The following LRRC4C variants were observed in gnomAD, a reference collection of about 807,000 sequenced individuals.
The protein encoded by LRRC4C is leucine rich repeat containing 4C.
LRRC4C carries 5 observed loss-of-function variants against 33.6 expected under a neutral mutation model. The ratio of observed to expected loss-of-function variants is 0.15; its 90% CI spans 0.08 to 0.31. The LOEUF is 0.31. Ranked by LOEUF, LRRC4C falls within the 10% of genes least tolerant of loss-of-function variation. The pLI, the probability that LRRC4C is intolerant of heterozygous loss-of-function variation, is 1.00. For missense variants in LRRC4C, 560 were observed against 796.7 expected, an observed-to-expected ratio of 0.70 and a Z score of 3.58; for synonymous variants, 329 against 302.0, an observed-to-expected ratio of 1.09 and a Z score of -0.93.
chr11:40,425,823 G>A (rs933351436), intron 3 of LRRC4C, among the ~76,000 whole-genome samples: 1 of 152,118 alleles, frequency 6.6e-6, no homozygotes, highest in Non-Finnish European at 1.5e-5. Flanking sequence ...ATATTTAGCT[G>A]TCTTAGGCCA....
intron 5 of LRRC4C, among the ~76,000 whole-genome samples, chr11:40,175,598 G>A (rs556098912): frequency 6.6e-6 from 1 of 152,262 alleles, no homozygotes; most frequent in South Asian, 2.1e-4. Context: ...TCATGATCTG[G>A]ACACAAAGAT....
intron 2 of LRRC4C, among the ~76,000 whole-genome samples, chr11:40,786,394 T>G (rs968112921): frequency 6.6e-6 from 1 of 152,114 alleles, no homozygotes; most frequent in Non-Finnish European, 1.5e-5. Flanking sequence ...AAGAAGAAAA[T>G]ACAATAAGTA....
At chr11:41,213,517 G>C (rs924626104) in intron 1 of LRRC4C, among the ~76,000 whole-genome samples, 1 of 152,138 alleles carries the variant, frequency 6.6e-6, no homozygotes, top group South Asian at 2.1e-4. Context: ...AGGTTTACTC[G>C]TTGAATCTTC....
chr11:40,137,603 G>T (rs921754172), intron 6 of LRRC4C, among the ~76,000 whole-genome samples: 1 of 152,018 alleles, frequency 6.6e-6, no homozygotes, highest in Non-Finnish European at 1.5e-5. Flanking sequence ...AATATCTATT[G>T]GGTTTTTGCC....
intron 1 of LRRC4C, among the ~76,000 whole-genome samples, chr11:41,400,918 A>G (rs1314759327): frequency 6.6e-6 from 1 of 151,768 alleles, no homozygotes; most frequent in Non-Finnish European, 1.5e-5. Context: ...GCTGCTGAAC[A>G]TATCTTGAAC....
At chr11:40,584,025 C>T (rs1295542732) in intron 3 of LRRC4C, among the ~76,000 whole-genome samples, 1 of 151,126 alleles carries the variant, frequency 6.6e-6, no homozygotes, top group South Asian at 2.1e-4. Flanking sequence ...GCAAAGAGAT[C>T]AGGGACGGAA....
chr11:40,186,753 G>T (rs1355550891), intron 5 of LRRC4C, among the ~76,000 whole-genome samples: 1 of 152,202 alleles, frequency 6.6e-6, no homozygotes, highest in African/African-American at 2.4e-5. Flanking sequence ...GCCAGGGGAA[G>T]GTAGGCTTCC....
chr11:40,484,728 C>T (rs1953766704), intron 3 of LRRC4C, among the ~76,000 whole-genome samples: 1 of 151,882 alleles, frequency 6.6e-6, no homozygotes, highest in Admixed American at 6.6e-5. Flanking sequence ...TCTAATGTAT[C>T]AATGGAAAAA....
intron 2 of LRRC4C, among the ~76,000 whole-genome samples, chr11:40,772,311 A>T (rs1949792249): frequency 6.6e-6 from 1 of 152,164 alleles, no homozygotes; most frequent in Non-Finnish European, 1.5e-5. Flanking sequence ...TCATGAGAAG[A>T]GCATGGGAGA....
intron 3 of LRRC4C, among the ~76,000 whole-genome samples, chr11:40,508,184 A>G (rs1033360179): frequency 7.2e-5 from 11 of 152,206 alleles, no homozygotes; most frequent in African/African-American, 2.7e-4. Flanking sequence ...TACAAAATAT[A>G]TTAGAAAATA....
At chr11:40,818,825 A>C (rs1231128257) in intron 2 of LRRC4C, among the ~76,000 whole-genome samples, 6 of 152,086 alleles carry the variant, frequency 3.9e-5, no homozygotes, top group Non-Finnish European at 8.8e-5. Flanking sequence ...GTATTTTGTT[A>C]ACCAATTCAT....
At chr11:41,132,467 T>C (rs1943059647) in intron 1 of LRRC4C, among the ~76,000 whole-genome samples, 1 of 152,110 alleles carries the variant, frequency 6.6e-6, no homozygotes, top group Non-Finnish European at 1.5e-5. Context: ...GAAGAAATAT[T>C]ATGCAGTTAC....
intron 1 of LRRC4C, among the ~76,000 whole-genome samples, chr11:41,164,454 C>T (rs1944629756): frequency 6.6e-6 from 1 of 151,946 alleles, no homozygotes; most frequent in Non-Finnish European, 1.5e-5. Flanking sequence ...AAGGAGAACA[C>T]TCTAAAATAA....
intron 3 of LRRC4C, among the ~76,000 whole-genome samples, chr11:40,400,158 T>G (rs932222244): frequency 6.6e-6 from 1 of 152,072 alleles, no homozygotes; most frequent in Non-Finnish European, 1.5e-5. Context: ...TCAGACATAG[T>G]AGACTACTCA....
Position 40,680,019 on chromosome 11 carries a change from G to A in LRRC4C, c.-406-31741C>T, listed in dbSNP as rs530399326. Among the ~76,000 whole-genome samples the A allele has an allele frequency of 1.3e-5, 2 of 152,266 alleles. 1 individual carries two copies. Among genetic ancestry groups the A allele is most frequent in the East Asian group, 3.9e-4 (2 of 5,170 alleles). On this transcript the variant is annotated intron_variant, in intron 2 of 6. Coordinates refer to ENST00000528697, the MANE Select transcript of LRRC4C (RefSeq NM_001258419.2). ...GGGGATATACCTTGCAAAGCCCTAGGGGTGGCGCTACCCAAGATTATGGGA... is the reference window on the plus strand; with the variant it reads ...GGGGATATACCTTGCAAAGCCCTAGAGGTGGCGCTACCCAAGATTATGGGA...
chr11:41,450,999 T>C (rs1357834305), intron 1 of LRRC4C, among the ~76,000 whole-genome samples: 1 of 152,140 alleles, frequency 6.6e-6, no homozygotes, highest in Non-Finnish European at 1.5e-5. Context: ...CTGAATCCTG[T>C]GCTGCCTTGT....
intron 2 of LRRC4C, among the ~76,000 whole-genome samples, chr11:40,682,486 CTTTG>C (rs1390814802): frequency 6.6e-6 from 1 of 151,930 alleles, no homozygotes; most frequent in African/African-American, 2.4e-5. Flanking sequence ...CTAAAGATAT[CTTTG>C]TTTGTCTGGG....
intron 4 of LRRC4C, among the ~76,000 whole-genome samples, chr11:40,282,536 A>C (rs1943549907): frequency 6.6e-6 from 1 of 152,140 alleles, no homozygotes; most frequent in East Asian, 1.9e-4. Flanking sequence ...CATGACTATT[A>C]GTGCTTTATC....
At chr11:40,935,564 C>A (rs553579416) in intron 1 of LRRC4C, among the ~76,000 whole-genome samples, 38 of 152,160 alleles carry the variant, frequency 2.5e-4, no homozygotes, top group Non-Finnish European at 4.0e-4. Context: ...TATTTCAGTA[C>A]AGTAACATGG....
Sources: allele counts gnomAD v4.1 joint callset (sites outside exome capture counted in the v4.1 genomes callset), GRCh38; gene constraint gnomAD v4.1.1; transcripts MANE v1.5; gene names NCBI Gene and HGNC (gene_info 2026-07-23, HGNC 2026-07-21).